The following PLCB4 variants were observed in gnomAD, a reference collection of about 807,000 sequenced individuals.
PLCB4 encodes phospholipase C beta 4.
In PLCB4, 77 loss-of-function variants were observed where a neutral mutation model predicts 178.8. That is an observed-to-expected ratio of 0.43 (90% CI 0.36 to 0.52). The LOEUF (loss-of-function observed/expected upper bound fraction) is 0.52, where lower values mean the gene tolerates loss of function less well. Among genes scored for constraint, PLCB4 ranks in the 20% least tolerant of loss-of-function variants. The probability of loss-of-function intolerance (pLI) is 0.00; values close to 1 mark genes in which losing one functional copy is unlikely to be tolerated. For missense variants in PLCB4, 1,024 were observed against 1,453.4 expected (o/e 0.70, Z 4.80); for synonymous variants, 496 against 490.8 (o/e 1.01, Z -0.14).
chr20:9,196,926 C>T (rs988961301), intron 2 of PLCB4, among the ~76,000 whole-genome samples: 3 of 152,020 alleles, frequency 2.0e-5, no homozygotes, highest in Non-Finnish European at 4.4e-5. Flanking sequence ...TACAGTATAG[C>T]GACAAAGCCC....
chr20:9,453,401 C>T lies in PLCB4; in HGVS notation c.2935C>T (p.Gln979Ter). 1 of 1,613,092 alleles carries T rather than the reference C, an allele frequency of 6.2e-7. No homozygotes were observed. Among genetic ancestry groups the T allele is most frequent in the Non-Finnish European group, 8.5e-7 (1 of 1,179,446 alleles). The change falls in exon 33 of 40, where the codon CAG (glutamine) becomes TAG (stop). Residue 979 changes from glutamine (Q) to a stop codon, truncating the protein, a stop_gained. Transcript: ENST00000378473. LOFTEE classifies it high-confidence loss of function. ...HCTQVDKIVA[Q>*]YDKEKSTHEK... ...CACGCAAGTTGACAAAATTGTGGCA[C>T]AGTATGACAAAGAGAAGTCGACTCA...
chr20:9,473,176 A>C, intron 37 of PLCB4, 103 bp from the exon 38 acceptor site: 1 of 646,888 alleles, frequency 1.5e-6, no homozygotes, highest in Admixed American at 3.4e-5. Flanking sequence ...AAAAATTATT[A>C]TCTCTTTCAC....
At chr20:9,464,647 T>C (rs922302414) in intron 35 of PLCB4, among the ~76,000 whole-genome samples, 1 of 152,050 alleles carries the variant, frequency 6.6e-6, no homozygotes, top group East Asian at 1.9e-4. Context: ...GAGAATACTA[T>C]AAACACCTCT....
chr20:9,457,878 C>G (rs1485691754), intron 34 of PLCB4, among the ~76,000 whole-genome samples: 1 of 152,032 alleles, frequency 6.6e-6, no homozygotes, highest in Non-Finnish European at 1.5e-5. Context: ...GATACTTACT[C>G]CATCCTAACT....
chr20:9,349,723 T>G (rs748936273), intron 7 of PLCB4, among the ~76,000 whole-genome samples: 2 of 152,214 alleles, frequency 1.3e-5, no homozygotes, highest in Admixed American at 1.3e-4. Flanking sequence ...GAATGCAAAA[T>G]GAATTACTCT....
intron 2 of PLCB4, among the ~76,000 whole-genome samples, chr20:9,210,684 C>A (rs982392427): frequency 2.0e-5 from 3 of 151,660 alleles, no homozygotes; most frequent in Admixed American, 2.0e-4. Flanking sequence ...TGTTAATAAC[C>A]GGCTCAAACT....
chr20:9,431,356 A>C (rs938053681), intron 28 of PLCB4, among the ~76,000 whole-genome samples: 1 of 152,008 alleles, frequency 6.6e-6, no homozygotes, highest in African/African-American at 2.4e-5. Context: ...TCTAAAACCT[A>C]AGCAAAGACC....
intron 2 of PLCB4, among the ~76,000 whole-genome samples, chr20:9,146,498 A>G (rs1015203094): frequency 2.6e-5 from 4 of 152,184 alleles, no homozygotes; most frequent in Admixed American, 2.6e-4. Flanking sequence ...TAACATTTTA[A>G]AGAATTTATT....
intron 3 of PLCB4, among the ~76,000 whole-genome samples, chr20:9,224,569 G>A (rs2093840444): frequency 6.6e-6 from 1 of 152,150 alleles, no homozygotes; most frequent in African/African-American, 2.4e-5. Flanking sequence ...ACCCCTTACT[G>A]GTCTTACTGA....
At chr20:9,171,632 C>T (rs2093065690) in intron 2 of PLCB4, among the ~76,000 whole-genome samples, 1 of 152,108 alleles carries the variant, frequency 6.6e-6, no homozygotes, top group Non-Finnish European at 1.5e-5. Flanking sequence ...AAAAAAATAA[C>T]TCAGAGAGCC....
At chr20:9,087,127 G>A (rs1014500854) in intron 1 of PLCB4, among the ~76,000 whole-genome samples, 1 of 152,046 alleles carries the variant, frequency 6.6e-6, no homozygotes, top group African/African-American at 2.4e-5. Context: ...AATCTATTCC[G>A]ATAATCTTTG....
intron 25 of PLCB4, among the ~76,000 whole-genome samples, chr20:9,415,459 G>A (rs181580198): frequency 5.3e-5 from 8 of 152,250 alleles, no homozygotes; most frequent in Non-Finnish European, 1.0e-4. Context: ...GGCATCTTAG[G>A]TATGATGAAA....
At chr20:9,122,443 A>T (rs2091989033) in intron 2 of PLCB4, among the ~76,000 whole-genome samples, 1 of 152,118 alleles carries the variant, frequency 6.6e-6, no homozygotes, top group Non-Finnish European at 1.5e-5. Flanking sequence ...AGGAAGAATT[A>T]TAAGTTATCC....
intron 2 of PLCB4, among the ~76,000 whole-genome samples, chr20:9,156,851 C>CCCTCCCTCCCTCCCTA: frequency 1.1e-5 from 1 of 88,956 alleles, no homozygotes; most frequent in Non-Finnish European, 2.2e-5. Context: ...CTCCCTCCCT[C>CCCTCCCTCCCTCCCTA]CCTTCCTTCC....
chr20:9,357,200 G>A (rs183470031), intron 7 of PLCB4, among the ~76,000 whole-genome samples: 7 of 152,312 alleles, frequency 4.6e-5, no homozygotes, highest in Admixed American at 3.3e-4. Context: ...AAGTTCCCAT[G>A]TTTTAAATAT....
intron 4 of PLCB4, among the ~76,000 whole-genome samples, chr20:9,315,172 G>A (rs1313805022): frequency 6.6e-6 from 1 of 152,198 alleles, no homozygotes; most frequent in Admixed American, 6.5e-5. Context: ...GATCGTAAAT[G>A]TGTATACTTA....
At chr20:9,329,991 T>C (rs2031385659) in intron 4 of PLCB4, among the ~76,000 whole-genome samples, 1 of 152,186 alleles carries the variant, frequency 6.6e-6, no homozygotes, top group Admixed American at 6.5e-5. Flanking sequence ...CTGAGGGCTT[T>C]AGTTTAACTT....
intron 3 of PLCB4, among the ~76,000 whole-genome samples, chr20:9,290,180 CA>C (rs5840317): frequency 3.7e-4 from 53 of 142,900 alleles, no homozygotes; most frequent in Middle Eastern, 7.1e-3. Flanking sequence ...AAAAAAAAAC[CA>C]AAAAAAAAAA....
chr20:9,280,585 G>A (rs185324270), intron 3 of PLCB4: 336 of 324,852 alleles, frequency 1.0e-3, no homozygotes, highest in Non-Finnish European at 1.3e-3. Context: ...ACTGATGCCT[G>A]CCTTGCTTGG....
Sources: gnomAD v4.1 joint callset for allele counts (sites outside exome capture counted in the v4.1 genomes callset) on GRCh38, gnomAD v4.1.1 for gene constraint, MANE v1.5 for transcripts, NCBI Gene and HGNC (gene_info 2026-07-23, HGNC 2026-07-21) for gene names.